The following TENT4A variants were observed in gnomAD, a reference collection of about 807,000 sequenced individuals.
TENT4A encodes the protein terminal nucleotidyltransferase 4A.
Under a neutral mutation model 72.8 loss-of-function variants are expected in TENT4A, and 7 were observed. That is an observed-to-expected ratio of 0.10 (90% CI 0.05 to 0.18). The LOEUF (loss-of-function observed/expected upper bound fraction) is 0.18. Among genes scored for constraint, TENT4A ranks in the 10% least tolerant of loss-of-function variants. The pLI is 1.00. For missense variants in TENT4A, 831 were observed against 1,017.7 expected (o/e 0.82, Z 2.50); for synonymous variants, 456 against 434.3 (o/e 1.05, Z -0.62).
chr5:6,717,358 A>G (rs1740439520), intron 1 of TENT4A, among the ~76,000 whole-genome samples: 1 of 152,244 alleles, frequency 6.6e-6, no homozygotes, highest in Admixed American at 6.5e-5. Flanking sequence ...TGCAGTGTGT[A>G]TTCCTCATGG....
At chr5:6,716,815 T>TA (rs1740410864) in intron 1 of TENT4A, among the ~76,000 whole-genome samples, 1 of 152,240 alleles carries the variant, frequency 6.6e-6, no homozygotes, top group Non-Finnish European at 1.5e-5. Flanking sequence ...TCTGGTTTGA[T>TA]ACTGCAGTCA....
At position 6,737,615 on chromosome 5, in the gene TENT4A, C is replaced by T. The variant is rs1179980407; in HGVS notation, c.822C>T (p.Asp274=). ...AACGGATCGAAACTGTGGTGAAAGA[C>T]CTTTGGCCGACGGCTGATGTGAGTA... ...VVKRIETVVK[D]LWPTADVQIF... Residue 274 remains aspartate, a synonymous_variant, in exon 2 of 13, where the codon GAC becomes GAT. Transcript: ENST00000230859. 1.9e-6 allele frequency: 3 copies of T among 1,613,906 alleles called. No individual in the cohort carries two copies. In the East Asian group the frequency reaches 6.7e-5, roughly 36 times the overall value.
chr5:6,717,827 CTGT>C (rs1424726968), intron 1 of TENT4A, among the ~76,000 whole-genome samples: 1 of 152,090 alleles, frequency 6.6e-6, no homozygotes, highest in Non-Finnish European at 1.5e-5. Flanking sequence ...GGGCTTTGGG[CTGT>C]TGTTACTTTG....
chr5:6,753,267 C>T (rs1446036332), intron 12 of TENT4A, among the ~76,000 whole-genome samples: 1 of 152,168 alleles, frequency 6.6e-6, no homozygotes, highest in African/African-American at 2.4e-5. Context: ...CTCTTAATTC[C>T]TCTGTTGAAC....
chr5:6,726,750 G>A (rs1207054606), intron 1 of TENT4A, among the ~76,000 whole-genome samples: 1 of 152,158 alleles, frequency 6.6e-6, no homozygotes, highest in Non-Finnish European at 1.5e-5. Flanking sequence ...TCAGAGGTGA[G>A]ACCCAGTCCC....
rs1740226274 is a variant in TENT4A at position 6,713,949 on chromosome 5, G to A, written c.-35G>A. 1.1e-6 allele frequency: 1 copy of A among 905,778 alleles called. No individual in the cohort carries two copies. The highest frequency in any genetic ancestry group is 1.3e-6 in the Non-Finnish European group (1 of 760,494). The allele number at this position is 905,778 out of a possible 1,614,324, so 56.1% of individuals were successfully genotyped here. A position where few individuals can be genotyped will look rare whatever the true frequency, so the allele number is the denominator to read the frequency against. ...GCGGGGGCGGGGCCGCGTCGGGGCG[G>A]GCGGGCGCGCGGGCCCCGCGGGGGC... On this transcript the variant is annotated 5_prime_UTR_variant, in exon 1 of 13. Transcript: ENST00000230859.
chr5:6,755,898 T>C lies in TENT4A; in HGVS notation c.*953T>C, dbSNP rs1048861974. 2.4e-4 allele frequency: 37 copies of C among 152,244 alleles called. No individual in the cohort carries two copies. The highest frequency in any genetic ancestry group is 2.0e-4 in the Admixed American group (3 of 15,288). 9.4% of individuals were successfully genotyped at this position (152,244 alleles called of 1,614,324 possible). On this transcript the variant is annotated 3_prime_UTR_variant, in exon 13 of 13. Coordinates refer to ENST00000230859, the MANE Select transcript of TENT4A (RefSeq NM_006999.6). Reference sequence around the variant, plus strand: ...TCACATTATAAAATCTTTAGGAAAATGTGAACTGGAAAACGCTTCGGTCAG... The same window carrying C: ...TCACATTATAAAATCTTTAGGAAAACGTGAACTGGAAAACGCTTCGGTCAG...
At chr5:6,723,873 G>A (rs138128219) in intron 1 of TENT4A, among the ~76,000 whole-genome samples, 1,758 of 152,326 alleles carry the variant, frequency 0.012, 33 homozygotes, top group African/African-American at 0.04. Flanking sequence ...GGCCTGGAGG[G>A]AGGCTGCAGT....
At position 6,714,545 on chromosome 5, in the gene TENT4A, C is replaced by T. The variant is rs1740261183; in HGVS notation, c.562C>T (p.Arg188Trp). Residue 188 changes from arginine (R) to tryptophan (W), a missense_variant, in exon 1 of 13, where the codon CGG (arginine) becomes TGG (tryptophan). Arg to Trp is a moderately radical substitution (Grantham distance 101, BLOSUM62 -3). This residue lies in a region of TENT4A where 302 missense variants were observed against 293.8 expected (regional missense o/e 1.03). Coordinates refer to ENST00000230859, the MANE Select transcript of TENT4A (RefSeq NM_006999.6). The stretch of plus-strand genomic sequence containing the variant: ...GCAGCACCAGTTCCACCCGGGTCGC[C>T]GGAAACGCGAGAACAAGGCCAGCAC... Reference protein sequence around the residue: ...PSQHQFHPGRRKRENKASTYG... With the variant: ...PSQHQFHPGRWKRENKASTYG... The T allele has an allele frequency of 2.5e-5, 30 of 1,196,884 alleles. No individual in the cohort carries two copies. The highest frequency in any genetic ancestry group is 3.0e-5 in the Non-Finnish European group (29 of 965,456). 74.1% of individuals were successfully genotyped at this position (1,196,884 alleles called of 1,614,324 possible).
At chr5:6,741,489 CTG>C (rs1277732195) in intron 4 of TENT4A, among the ~76,000 whole-genome samples, 3 of 152,210 alleles carry the variant, frequency 2.0e-5, no homozygotes, top group Non-Finnish European at 4.4e-5. Flanking sequence ...GCTTCCTAAA[CTG>C]TGGGTGTCAG....
Position 6,754,894 on chromosome 5 carries a change from GA to G in TENT4A, c.2334del (p.Lys778AsnfsTer11). On this transcript the variant is annotated frameshift_variant, in exon 13 of 13. Transcript: ENST00000230859. LOFTEE classifies it high-confidence loss of function. ...AGTATAACCGCACCGGCTGGAGGAG[GA>G]AAAAACACACACACACACGGGACAG... The part of the protein sequence containing the change: ...HQYNRTGWRR[K>X]KHTHTRDSLP... 2 of 1,605,536 alleles carry G rather than the reference GA, an allele frequency of 1.2e-6. No homozygotes were observed. Among genetic ancestry groups the G allele is most frequent in the East Asian group, 2.2e-5 (1 of 44,542 alleles).
rs1740219105 is a variant in TENT4A, at chr5:6,713,900, CGCGCGGCCGGGCCTCGGG to C, written c.-76_-59del. The C allele has an allele frequency of 4.7e-6, 2 of 426,452 alleles. No homozygotes were observed. The highest frequency in any genetic ancestry group is 6.7e-5 in the Admixed American group (1 of 14,998). The allele number at this position is 426,452 out of a possible 1,614,324, so 26.4% of individuals were successfully genotyped here. On this transcript the variant is annotated 5_prime_UTR_variant, in exon 1 of 13. Coordinates refer to ENST00000230859, the MANE Select transcript of TENT4A (RefSeq NM_006999.6). ...CCAGGCCCGTCCGTCCGTCCGTGCGCGCGCGGCCGGGCCTCGGGGCGCGGCGGGGGCGGGGCCGCGTCG... is the reference window on the plus strand; with the variant it reads ...CCAGGCCCGTCCGTCCGTCCGTGCGCGCGCGGCGGGGGCGGGGCCGCGTCG...
intron 2 of TENT4A, among the ~76,000 whole-genome samples, chr5:6,737,868 C>T (rs1166581915): frequency 5.3e-5 from 8 of 151,254 alleles, no homozygotes; most frequent in South Asian, 2.1e-4. Context: ...GATGCTGGCG[C>T]GCACTCAAGT....
intron 6 of TENT4A, 35 bp downstream of exon 6, chr5:6,743,875 A>C: frequency 6.2e-7 from 1 of 1,608,686 alleles, no homozygotes; most frequent in Non-Finnish European, 8.5e-7. Flanking sequence ...TTCTGTTGAG[A>C]CATGTGTAAG....
At chr5:6,750,625 G>A in intron 10 of TENT4A, 122 bp downstream of exon 10, 1 of 904,886 alleles carries the variant, frequency 1.1e-6, no homozygotes, top group Non-Finnish European at 1.6e-6. Flanking sequence ...TTGTATGTGT[G>A]TGGAGGTGGG....
intron 1 of TENT4A, among the ~76,000 whole-genome samples, chr5:6,726,983 G>A (rs1740962037): frequency 6.6e-6 from 1 of 152,098 alleles, no homozygotes; most frequent in Non-Finnish European, 1.5e-5. Context: ...AGAGACCTTA[G>A]CTCTCTTAGT....
At chr5:6,754,559 T>C (rs1413123448) in intron 12 of TENT4A, among the ~76,000 whole-genome samples, 192 bp from the exon 13 acceptor site, 1 of 152,222 alleles carries the variant, frequency 6.6e-6, no homozygotes, top group South Asian at 2.1e-4. Flanking sequence ...ACATGGTTCT[T>C]GCCTTTAGTC....
chr5:6,742,054 C>A (rs28381373), intron 4 of TENT4A, among the ~76,000 whole-genome samples: 1 of 152,052 alleles, frequency 6.6e-6, no homozygotes, highest in Non-Finnish European at 1.5e-5. Flanking sequence ...AGTGAAAACC[C>A]AAAGTAGAGA....
intron 1 of TENT4A, among the ~76,000 whole-genome samples, chr5:6,728,435 A>T (rs1453103132): frequency 6.6e-6 from 1 of 152,198 alleles, no homozygotes; most frequent in Non-Finnish European, 1.5e-5. Flanking sequence ...TGGTTGGGGC[A>T]CTTGGGAGAA....
Sources: gnomAD v4.1 joint callset for allele counts (sites outside exome capture counted in the v4.1 genomes callset) on GRCh38, gnomAD v4.1.1 for gene constraint, gnomAD v4.1.1 regional missense constraint, MANE v1.5 for transcripts, NCBI Gene and HGNC (gene_info 2026-07-23, HGNC 2026-07-21) for gene names.